NF1: variants seen among roughly 807,000 people sequenced by gnomAD.
NF1 encodes neurofibromin 1, also known as neurofibromin.
NF1 carries 122 observed loss-of-function variants against 325.7 expected under a neutral mutation model. The observed-to-expected ratio is 0.37, with a 90% confidence interval of 0.32 to 0.44. NF1 has a LOEUF of 0.44. Among genes scored for constraint, NF1 ranks in the 20% least tolerant of loss-of-function variants. The pLI is 1.00. For missense variants in NF1, 2,140 were observed against 3,415.4 expected (o/e 0.63, Z 9.31); for synonymous variants, 1,091 against 1,186.0 (o/e 0.92, Z 1.65).
At chr17:31,175,979 A>G (rs539389160) in intron 5 of NF1, among the ~76,000 whole-genome samples, 1 of 152,332 alleles carries the variant, frequency 6.6e-6, no homozygotes, top group East Asian at 1.9e-4. Flanking sequence ...GCTGCAGTAA[A>G]CATACGTGTG....
intron 36 of NF1, among the ~76,000 whole-genome samples, chr17:31,293,154 G>T (rs1378931778): frequency 8.8e-6 from 1 of 114,202 alleles, no homozygotes; most frequent in Non-Finnish European, 1.7e-5. Context: ...CTCCAGCCTG[G>T]GGGATAAGAG....
At chr17:31,126,000 C>T (rs760733875) in intron 1 of NF1, among the ~76,000 whole-genome samples, 3 of 152,084 alleles carry the variant, frequency 2.0e-5, no homozygotes, top group South Asian at 2.1e-4. Context: ...GCCTGGCCAA[C>T]GTGGTAAAAC....
chr17:31,368,329 G>A (rs1336691344), intron 57 of NF1, among the ~76,000 whole-genome samples: 1 of 151,952 alleles, frequency 6.6e-6, no homozygotes, highest in Admixed American at 6.6e-5. Flanking sequence ...CAGTAGAGAC[G>A]AGGTTTCACC....
intron 13 of NF1, among the ~76,000 whole-genome samples, chr17:31,215,905 T>C (rs932138593): frequency 6.6e-6 from 1 of 152,202 alleles, no homozygotes; most frequent in Admixed American, 6.5e-5. Flanking sequence ...TTTTTAAAAA[T>C]GTGTATTTAT....
intron 36 of NF1, chr17:31,314,577 CATAAT>C (rs2068973056): frequency 6.6e-6 from 1 of 152,178 alleles, no homozygotes; most frequent in African/African-American, 2.4e-5. Flanking sequence ...GTTATTTCCT[CATAAT>C]ATAAAAAGTC....
intron 1 of NF1, among the ~76,000 whole-genome samples, chr17:31,102,050 T>C (rs1180853015): frequency 6.6e-6 from 1 of 152,206 alleles, no homozygotes; most frequent in Non-Finnish European, 1.5e-5. Flanking sequence ...ACTTTTGGCT[T>C]TGTTTTACTG....
At position 31,200,562 on chromosome 17, in the gene NF1, C is replaced by G. The variant is rs745914493; in HGVS notation, c.1029C>G (p.Phe343Leu). The G allele has an allele frequency of 6.2e-7, 1 of 1,614,116 alleles. No individual in the cohort carries two copies. Among genetic ancestry groups the G allele is most frequent in the Non-Finnish European group, 8.5e-7 (1 of 1,180,002 alleles). ...YINWEDNSVI[F>L]LLVQSMVVDL... ...ATTGGGAAGATAACTCTGTCATTTT[C>G]CTACTTGTTCAGTCCATGGTGGTTG... Residue 343 changes from phenylalanine to leucine, a missense_variant, in exon 9 of 58, where the codon TTC (phenylalanine) becomes TTG (leucine). Transcript: ENST00000358273.
chr17:31,139,489 T>C (rs1916057358), intron 1 of NF1, among the ~76,000 whole-genome samples: 1 of 152,166 alleles, frequency 6.6e-6, no homozygotes, highest in African/African-American at 2.4e-5. Context: ...AATTATCATG[T>C]AGACCTTAAA....
intron 54 of NF1, chr17:31,357,930 G>T: frequency 6.1e-6 from 1 of 163,166 alleles, no homozygotes; most frequent in Non-Finnish European, 1.3e-5. Context: ...TTTATTAATG[G>T]AGTGTAGCCG....
chr17:31,361,920 G>T (rs1164365745), intron 57 of NF1, among the ~76,000 whole-genome samples: 1 of 152,142 alleles, frequency 6.6e-6, no homozygotes, highest in South Asian at 2.1e-4. Context: ...TTTGTCAGTC[G>T]CCTTACAAGT....
chr17:31,144,085 A>G (rs909302297), intron 1 of NF1, among the ~76,000 whole-genome samples: 1 of 152,116 alleles, frequency 6.6e-6, no homozygotes, highest in African/African-American at 2.4e-5. Context: ...GGCCTCCCAA[A>G]GTGCTGGGAT....
At chr17:31,219,328 T>G (rs576345373) in intron 14 of NF1, 9 of 325,274 alleles carry the variant, frequency 2.8e-5, no homozygotes, top group Non-Finnish European at 5.0e-5. Flanking sequence ...TTGTACAAAT[T>G]CTGATGCTTA....
At chr17:31,158,957 T>C (rs1446363395) in intron 2 of NF1, 53 bp from the exon 3 acceptor site, 2 of 1,060,586 alleles carry the variant, frequency 1.9e-6, no homozygotes, top group East Asian at 2.4e-5. Flanking sequence ...TGTGTGTTGA[T>C]TGGTAGCAGA....
chr17:31,251,990 T>G (rs2151454794), intron 30 of NF1: 1 of 213,982 alleles, frequency 4.7e-6, no homozygotes, highest in African/African-American at 2.3e-5. Flanking sequence ...AAAAATATTT[T>G]TAAAATAATT....
intron 1 of NF1, among the ~76,000 whole-genome samples, chr17:31,135,947 C>G (rs1429518795): frequency 6.6e-6 from 1 of 152,006 alleles, no homozygotes; most frequent in African/African-American, 2.4e-5. Context: ...GAATTTACCT[C>G]TGGGTTCATT....
Position 31,327,818 on chromosome 17 carries a change from G to T in NF1, c.5588G>T (p.Gly1863Val), listed in dbSNP as rs1597832460. 1 of 1,614,110 alleles carries T rather than the reference G, an allele frequency of 6.2e-7. No individual in the cohort carries two copies. Among genetic ancestry groups the T allele is most frequent in the South Asian group, 1.1e-5 (1 of 91,074 alleles). Residue 1863 changes from glycine to valine, a missense_variant, in exon 38 of 58, where the codon GGC becomes GTC. Physicochemically the swap from Gly to Val is moderately radical, Grantham distance 109. Coordinates refer to ENST00000358273, the MANE Select transcript of NF1 (RefSeq NM_001042492.3). Reference sequence around the variant, plus strand: ...CTCAATATCGCATTACTTAATTTAGGCAGTTCTGACCCGAGTTTACGGTAG... The same window carrying T: ...CTCAATATCGCATTACTTAATTTAGTCAGTTCTGACCCGAGTTTACGGTAG... ...TLLNIALLNL[G>V]SSDPSLRSAA...
chr17:31,116,742 A>G (rs1314689584), intron 1 of NF1, among the ~76,000 whole-genome samples: 1 of 151,824 alleles, frequency 6.6e-6, no homozygotes, highest in Non-Finnish European at 1.5e-5. Flanking sequence ...ATCTCCGCTC[A>G]CTGCAAGCTC....
chr17:31,182,580 C>G lies in NF1; in HGVS notation c.803C>G (p.Pro268Arg), dbSNP rs1441060549. 1 of 1,613,940 alleles carries G rather than the reference C, an allele frequency of 6.2e-7. No individual in the cohort carries two copies. Among genetic ancestry groups the G allele is most frequent in the Non-Finnish European group, 8.5e-7 (1 of 1,179,898 alleles). The change falls in exon 8 of 58, where the codon CCA (proline) becomes CGA (arginine). Residue 268 changes from proline (P) to arginine (R), a missense_variant. Coordinates refer to ENST00000358273, the MANE Select transcript of NF1 (RefSeq NM_001042492.3). ...ACCAAACGTAAAGCAGCAGTTTGGC[C>G]ACTACAAATCATTCTCCTTATCTTG... ...ESTKRKAAVW[P>R]LQIILLILCP...
chr17:31,217,524 C>T lies in NF1; in HGVS notation c.1528-1481C>T, dbSNP rs1343093876. Reference sequence around the variant, plus strand: ...TTCTTCATGTTGGCCAGGCTAGTCTCGAACTCCTGACCTCAAGCACTCCGC... The same window carrying T: ...TTCTTCATGTTGGCCAGGCTAGTCTTGAACTCCTGACCTCAAGCACTCCGC... On this transcript the variant is annotated intron_variant, in intron 13 of 57. Coordinates refer to ENST00000358273, the MANE Select transcript of NF1 (RefSeq NM_001042492.3). Among the ~76,000 whole-genome samples, 5 of 151,722 alleles carry T rather than the reference C, an allele frequency of 3.3e-5. No homozygotes were observed. In the East Asian group the frequency reaches 7.9e-4, roughly 24 times the overall value.
Sources: allele counts gnomAD v4.1 joint callset (sites outside exome capture counted in the v4.1 genomes callset), GRCh38; gene constraint gnomAD v4.1.1; transcripts MANE v1.5; gene names NCBI Gene and HGNC (gene_info 2026-07-23, HGNC 2026-07-21).